Variants in PTPN13 observed in about 807,000 individuals in gnomAD.
PTPN13 encodes the protein tyrosine-protein phosphatase non-receptor type 13.
A neutral mutation model predicts 284.0 loss-of-function variants in PTPN13; 191 were observed. The observed-to-expected ratio is 0.67, with a 90% CI of 0.60 to 0.76. The LOEUF (loss-of-function observed/expected upper bound fraction) is 0.76. Among genes scored for constraint, PTPN13 ranks in the 30% least tolerant of loss-of-function variants. PTPN13 has a pLI of 0.00. For synonymous variants in PTPN13, 986 were observed against 1,022.3 expected (o/e 0.96, Z 0.68); for missense variants, 2,797 against 2,939.9 (o/e 0.95, Z 1.12).
chr4:86,730,530 G>C lies in PTPN13; in HGVS notation c.1609-1870G>C, dbSNP rs1046966625. On this transcript the variant is annotated intron_variant, in intron 10 of 47. Coordinates refer to ENST00000411767, the MANE Select transcript of PTPN13 (RefSeq NM_080683.3). The stretch of plus-strand genomic sequence containing the variant: ...CAGCAATGGCAGACATCCCTCCCCC[G>C]ACCAGGCTGCAGCCTCGGAAGTTGA... Among the ~76,000 whole-genome samples the C allele has an allele frequency of 2.0e-5, 3 of 149,676 alleles. 1 individual carries two copies. Among genetic ancestry groups the C allele is most frequent in the Admixed American group, 1.3e-4 (2 of 14,976 alleles).
chr4:86,616,371 G>T (rs758240998), intron 1 of PTPN13, among the ~76,000 whole-genome samples: 1 of 152,178 alleles, frequency 6.6e-6, no homozygotes, highest in Non-Finnish European at 1.5e-5. Flanking sequence ...ACCTCATAGA[G>T]ATGAGGTAAG....
intron 10 of PTPN13, among the ~76,000 whole-genome samples, chr4:86,727,654 T>G (rs1578510646): frequency 6.7e-6 from 1 of 149,286 alleles, no homozygotes; most frequent in African/African-American, 2.4e-5. Flanking sequence ...GGGATCGATG[T>G]TGATATCCCC....
intron 10 of PTPN13, among the ~76,000 whole-genome samples, chr4:86,727,806 C>G (rs1734455161): frequency 6.7e-6 from 1 of 149,014 alleles, no homozygotes; most frequent in African/African-American, 2.4e-5. Flanking sequence ...TTTTCTGTCT[C>G]TATCTCCTTC....
At chr4:86,766,348 A>C (rs1739308498) in intron 26 of PTPN13, 84 bp from the exon 27 acceptor site, 3 of 1,142,498 alleles carry the variant, frequency 2.6e-6, no homozygotes, top group Non-Finnish European at 3.7e-6. Context: ...GTCCCTCCTC[A>C]AACAAATGAA....
chr4:86,715,591 C>A (rs1351807528), intron 7 of PTPN13, among the ~76,000 whole-genome samples: 1 of 152,038 alleles, frequency 6.6e-6, no homozygotes, highest in Non-Finnish European at 1.5e-5. Context: ...GACCCTGTCT[C>A]TAAAAAATAA....
chr4:86,608,735 G>A (rs1765017345), intron 1 of PTPN13, among the ~76,000 whole-genome samples: 1 of 152,038 alleles, frequency 6.6e-6, no homozygotes, highest in African/African-American at 2.4e-5. Context: ...TATGCACTAG[G>A]TATTTTAATA....
intron 1 of PTPN13, among the ~76,000 whole-genome samples, chr4:86,606,693 T>C (rs541510603): frequency 6.6e-5 from 10 of 152,046 alleles, no homozygotes; most frequent in African/African-American, 2.4e-4. Context: ...TTTAGTATTT[T>C]ACCCACTCAA....
At chr4:86,810,011 G>A in intron 46 of PTPN13, 27 bp downstream of exon 46, 1 of 1,578,214 alleles carries the variant, frequency 6.3e-7, no homozygotes, top group Non-Finnish European at 8.7e-7. Context: ...GGCTGAGTAA[G>A]CATTTGTTCA....
intron 28 of PTPN13, among the ~76,000 whole-genome samples, chr4:86,768,538 T>C (rs2149265795): frequency 2.0e-5 from 3 of 152,274 alleles, no homozygotes; most frequent in African/African-American, 7.2e-5. Flanking sequence ...TTATAAATGA[T>C]GGTGATGGTG....
At chr4:86,794,547 C>A (rs1181983498) in intron 40 of PTPN13, among the ~76,000 whole-genome samples, 1 of 152,126 alleles carries the variant, frequency 6.6e-6, no homozygotes, top group East Asian at 1.9e-4. Context: ...GAAAAAACTA[C>A]TTTAAAGTTC....
At chr4:86,736,507 T>C (rs1378725385) in intron 15 of PTPN13, among the ~76,000 whole-genome samples, 1 of 152,218 alleles carries the variant, frequency 6.6e-6, no homozygotes, top group East Asian at 1.9e-4. Context: ...GGGATTTTAT[T>C]CACAGACTTA....
Position 86,782,184 on chromosome 4 carries a change from C to G in PTPN13, c.5963-17C>G. The stretch of plus-strand genomic sequence containing the variant: ...TTGGATTGGCTCATCCCCTTACTTC[C>G]TATATTGTCCTTTCAGGTTCCTACA... On this transcript the variant is annotated splice_polypyrimidine_tract_variant and intron_variant, in intron 36 of 47. Transcript: ENST00000411767. 1 of 1,575,622 alleles carries G rather than the reference C, an allele frequency of 6.3e-7. No individual in the cohort carries two copies. The highest frequency in any genetic ancestry group is 8.7e-7 in the Non-Finnish European group (1 of 1,145,338).
intron 10 of PTPN13, among the ~76,000 whole-genome samples, chr4:86,729,845 A>G (rs1282894216): frequency 3.3e-5 from 5 of 149,648 alleles, no homozygotes; most frequent in Non-Finnish European, 7.5e-5. Flanking sequence ...ACTTCTGTCA[A>G]CTTGCCAAAG....
At chr4:86,615,807 A>C (rs1720478418) in intron 1 of PTPN13, among the ~76,000 whole-genome samples, 1 of 152,222 alleles carries the variant, frequency 6.6e-6, no homozygotes, top group African/African-American at 2.4e-5. Flanking sequence ...TACTTCTTCC[A>C]GATGGCAAAT....
chr4:86,730,070 A>C (rs569882424), intron 10 of PTPN13, among the ~76,000 whole-genome samples: 5 of 149,502 alleles, frequency 3.3e-5, no homozygotes, highest in African/African-American at 4.9e-5. Flanking sequence ...TTTTTCTTCT[A>C]ATAGTCAGAT....
chr4:86,767,673 T>A (rs1407268833), intron 27 of PTPN13, 144 bp from the exon 28 acceptor site: 2 of 586,808 alleles, frequency 3.4e-6, no homozygotes, highest in Non-Finnish European at 2.9e-6. Context: ...TTCCTCTATT[T>A]TTTTTTTCTC....
intron 41 of PTPN13, among the ~76,000 whole-genome samples, chr4:86,798,653 A>G (rs1743637751): frequency 6.6e-6 from 1 of 152,212 alleles, no homozygotes; most frequent in Admixed American, 6.5e-5. Context: ...GTGCCCAGGT[A>G]CAGGAGTGTC....
chr4:86,619,217 A>G (rs1465250450), intron 1 of PTPN13, among the ~76,000 whole-genome samples: 4 of 152,244 alleles, frequency 2.6e-5, no homozygotes, highest in African/African-American at 4.8e-5. Flanking sequence ...AAGGTTAGGT[A>G]TATTAATCAG....
intron 42 of PTPN13, among the ~76,000 whole-genome samples, chr4:86,801,965 G>A (rs1212057852): frequency 6.6e-6 from 1 of 152,126 alleles, no homozygotes; most frequent in East Asian, 1.9e-4. Context: ...CTACTAAAAT[G>A]ATGGTTCCAT....
Sources: allele counts gnomAD v4.1 joint callset (sites outside exome capture counted in the v4.1 genomes callset), GRCh38; gene constraint gnomAD v4.1.1; transcripts MANE v1.5; gene names NCBI Gene and HGNC (gene_info 2026-07-23, HGNC 2026-07-21).